The following C10orf90 variants were observed in gnomAD, a reference collection of about 807,000 sequenced individuals.
C10orf90 encodes (E2-independent) E3 ubiquitin-conjugating enzyme FATS.
In C10orf90, 56 loss-of-function variants were observed where a neutral mutation model predicts 62.5. The observed-to-expected ratio is 0.90, with a 90% CI of 0.72 to 1.12. The LOEUF (loss-of-function observed/expected upper bound fraction) is 1.12. Among genes scored for constraint, C10orf90 ranks in the 50% most tolerant of loss-of-function variants. C10orf90 has a pLI of 0.00. For missense variants in C10orf90, 970 were observed against 880.4 expected (o/e 1.10, Z -1.29); for synonymous variants, 386 against 340.4 (o/e 1.13, Z -1.47).
intron 2 of C10orf90, among the ~76,000 whole-genome samples, chr10:126,554,877 A>C (rs1380186679): frequency 6.6e-6 from 1 of 152,258 alleles, no homozygotes; most frequent in Non-Finnish European, 1.5e-5. Flanking sequence ...GAAGGAAAGA[A>C]ATGCAGACAG....
chr10:126,513,407 C>G (rs553399434), intron 3 of C10orf90, among the ~76,000 whole-genome samples: 2 of 152,330 alleles, frequency 1.3e-5, no homozygotes, highest in East Asian at 3.9e-4. Context: ...CCACTGTGCA[C>G]CAAGCTCTTT....
chr10:126,594,042 G>C (rs1273198065), intron 2 of C10orf90, among the ~76,000 whole-genome samples: 2 of 151,332 alleles, frequency 1.3e-5, no homozygotes, highest in Non-Finnish European at 2.9e-5. Flanking sequence ...AGAGCCACAG[G>C]AGTGAAAAAG....
intron 2 of C10orf90, among the ~76,000 whole-genome samples, chr10:126,585,788 C>G (rs1844858570): frequency 6.6e-6 from 1 of 152,116 alleles, no homozygotes; most frequent in Admixed American, 6.5e-5. Context: ...GTGCTTGAGC[C>G]TTATGCTATA....
intron 7 of C10orf90, among the ~76,000 whole-genome samples, chr10:126,430,549 GA>G (rs776894180): frequency 1.6e-4 from 24 of 152,298 alleles, no homozygotes; most frequent in South Asian, 4.2e-4. Context: ...GTTGAAAAGG[GA>G]CTGTTCCAAT....
At chr10:126,529,145 G>A (rs774541195) in intron 2 of C10orf90, among the ~76,000 whole-genome samples, 2 of 152,074 alleles carry the variant, frequency 1.3e-5, no homozygotes, top group Admixed American at 6.5e-5. Flanking sequence ...AATAAATTAC[G>A]CTGGGACAAT....
intron 4 of C10orf90, among the ~76,000 whole-genome samples, chr10:126,488,327 T>C (rs1861546576): frequency 6.6e-6 from 1 of 152,026 alleles, no homozygotes; most frequent in South Asian, 2.1e-4. Context: ...ATGCAGAAAA[T>C]ATTTTGAGAT....
chr10:126,473,249 A>G (rs184391804), intron 4 of C10orf90, among the ~76,000 whole-genome samples: 1 of 152,274 alleles, frequency 6.6e-6, no homozygotes, highest in East Asian at 1.9e-4. Flanking sequence ...TACTCTGTTC[A>G]TGCCTATTAC....
At chr10:126,645,469 A>G (rs1045203972) in intron 2 of C10orf90, among the ~76,000 whole-genome samples, 61 of 151,864 alleles carry the variant, frequency 4.0e-4, no homozygotes, top group Middle Eastern at 3.4e-3. Context: ...GCGTGCCTCT[A>G]GTCCCAGCTA....
chr10:126,472,706 C>T lies in C10orf90; in HGVS notation c.1535-7720G>A, dbSNP rs143571601. Among the ~76,000 whole-genome samples the T allele has an allele frequency of 1.4e-3, 220 of 152,268 alleles. 1 individual carries two copies. Among genetic ancestry groups the T allele is most frequent in the African/African-American group, 5.1e-3 (210 of 41,542 alleles). On this transcript the variant is annotated intron_variant, in intron 4 of 9. Coordinates refer to ENST00000488181, the MANE Select transcript of C10orf90 (RefSeq NM_001350921.2). Reference sequence around the variant, plus strand: ...AAAAAAATCAAGGTAATCTTCCAGGCGTTGAAGGGAACAGCATAGAGGAAT... The same window carrying T: ...AAAAAAATCAAGGTAATCTTCCAGGTGTTGAAGGGAACAGCATAGAGGAAT...
chr10:126,514,370 T>C (rs1462484245), intron 2 of C10orf90, among the ~76,000 whole-genome samples: 1 of 152,192 alleles, frequency 6.6e-6, no homozygotes, highest in Non-Finnish European at 1.5e-5. Context: ...GGAGGGGTCA[T>C]GGATGACTCA....
intron 2 of C10orf90, among the ~76,000 whole-genome samples, chr10:126,596,921 T>A (rs1045303171): frequency 2.0e-5 from 3 of 152,140 alleles, no homozygotes; most frequent in African/African-American, 7.2e-5. Context: ...CATAAAGACA[T>A]ACAAATGACA....
chr10:126,464,284 G>A (rs1695174356), intron 5 of C10orf90, among the ~76,000 whole-genome samples: 1 of 152,158 alleles, frequency 6.6e-6, no homozygotes, highest in Admixed American at 6.5e-5. Context: ...CTGGGGACCT[G>A]TGGAAGCCCC....
intron 2 of C10orf90, among the ~76,000 whole-genome samples, chr10:126,633,443 C>A (rs1005981373): frequency 5.9e-5 from 9 of 152,224 alleles, no homozygotes; most frequent in African/African-American, 2.2e-4. Context: ...ATGGCCAAGG[C>A]CAAGGACAAA....
chr10:126,504,945 C>T lies in C10orf90; in HGVS notation c.546G>A (p.Lys182=). ...AIAQSRAHHA[K]QSLANRSGVN... is the part of the protein sequence containing the mutation. ...CTCCGCTGCGGTTAGCCAGAGATTG[C>T]TTGGCGTGATGTGCACGAGACTGAG... The change falls in exon 4 of 10, where the codon AAG becomes AAA. Residue 182 remains lysine, a synonymous_variant. Coordinates refer to ENST00000488181, the MANE Select transcript of C10orf90 (RefSeq NM_001350921.2). This position sits in a 1 kb window ranked among gnomAD's most constrained non-coding sequence, Gnocchi z 4.1. The T allele has an allele frequency of 6.2e-7, 1 of 1,614,222 alleles. No homozygotes were observed. Among genetic ancestry groups the T allele is most frequent in the Non-Finnish European group, 8.5e-7 (1 of 1,180,038 alleles).
intron 2 of C10orf90, among the ~76,000 whole-genome samples, chr10:126,515,580 A>G (rs1287610971): frequency 6.6e-6 from 1 of 152,224 alleles, no homozygotes; most frequent in East Asian, 1.9e-4. Flanking sequence ...ATAGGAGGCT[A>G]TACCATCTAG....
At chr10:126,545,145 C>T (rs868669114) in intron 2 of C10orf90, among the ~76,000 whole-genome samples, 10 of 152,138 alleles carry the variant, frequency 6.6e-5, no homozygotes, top group African/African-American at 1.9e-4. Flanking sequence ...CACCCTTGTT[C>T]GATCTCTGTT....
At chr10:126,553,298 A>G (rs1864680622) in intron 2 of C10orf90, among the ~76,000 whole-genome samples, 1 of 152,218 alleles carries the variant, frequency 6.6e-6, no homozygotes, top group South Asian at 2.1e-4. Flanking sequence ...CAAATCAATA[A>G]GAAAAAGATA....
intron 2 of C10orf90, among the ~76,000 whole-genome samples, chr10:126,605,875 ACATG>A (rs1554924675): frequency 0.027 from 3,794 of 139,240 alleles, 134 homozygotes; most frequent in African/African-American, 0.1. Flanking sequence ...AAAAATACAT[ACATG>A]CATACATACA....
intron 3 of C10orf90, among the ~76,000 whole-genome samples, chr10:126,510,218 TG>T (rs1456884443): frequency 6.6e-6 from 1 of 152,056 alleles, no homozygotes; most frequent in Non-Finnish European, 1.5e-5. Context: ...ATAAATTTAG[TG>T]GGGGTAGTGG....
Sources: allele counts gnomAD v4.1 joint callset (sites outside exome capture counted in the v4.1 genomes callset), GRCh38; gene constraint gnomAD v4.1.1; non-coding constraint Gnocchi (gnomAD v3.1); transcripts MANE v1.5; gene names NCBI Gene and HGNC (gene_info 2026-07-23, HGNC 2026-07-21).